Variants in HTR3A observed in about 807,000 individuals in gnomAD.
The protein encoded by HTR3A is 5-hydroxytryptamine (serotonin) receptor 3A, ionotropic.
HTR3A carries 45 observed loss-of-function variants against 54.8 expected under a neutral mutation model. The ratio of observed to expected loss-of-function variants is 0.82; its 90% CI spans 0.65 to 1.05. The LOEUF (loss-of-function observed/expected upper bound fraction) is 1.05, where lower values mean the gene tolerates loss of function less well. HTR3A is among the 50% of genes least tolerant of loss of function. The probability of loss-of-function intolerance (pLI) is 0.00; values close to 1 mark genes in which losing one functional copy is unlikely to be tolerated. For synonymous variants in HTR3A, 297 were observed against 256.0 expected (o/e 1.16, Z -1.53); for missense variants, 657 against 614.0 (o/e 1.07, Z -0.74).
chr11:113,981,067 C>T (rs942546963), intron 3 of HTR3A, 136 bp from the exon 4 acceptor site: 49 of 686,268 alleles, frequency 7.1e-5, no homozygotes, highest in South Asian at 2.5e-4. Flanking sequence ...GGGAATTGGG[C>T]GCCACTGACA....
chr11:113,988,625 A>G (rs753944612), intron 8 of HTR3A, among the ~76,000 whole-genome samples: 73 of 152,140 alleles, frequency 4.8e-4, no homozygotes, highest in Non-Finnish European at 9.1e-4. Flanking sequence ...TTAGCTGGGT[A>G]TGGTGACACA....
Position 113,986,869 on chromosome 11 carries a change from G to T in HTR3A, c.961G>T (p.Ala321Ser), listed in dbSNP as rs1431567853. Residue 321 changes from alanine to serine, a missense_variant, in exon 8 of 9, where the codon GCC becomes TCC. Transcript: ENST00000504030. ...VCMALLVISL[A>S]ETIFIVRLVH... ...CATGGCTCTGCTGGTGATAAGTTTGGCCGAGACCATCTTCATTGTGCGGCT... is the reference window on the plus strand; with the variant it reads ...CATGGCTCTGCTGGTGATAAGTTTGTCCGAGACCATCTTCATTGTGCGGCT... The T allele has an allele frequency of 1.2e-6, 2 of 1,613,986 alleles. No individual in the cohort carries two copies. The highest frequency in any genetic ancestry group is 1.3e-5 in the African/African-American group (1 of 74,898).
intron 4 of HTR3A, among the ~76,000 whole-genome samples, chr11:113,982,859 C>G (rs1950437545): frequency 6.6e-6 from 1 of 152,172 alleles, no homozygotes; most frequent in Admixed American, 6.5e-5. Context: ...ATGGGTTTTC[C>G]TCCCTGCCTT....
At position 113,989,657 on chromosome 11, in the gene HTR3A, G is replaced by T; in HGVS notation, c.1331G>T (p.Arg444Leu). 3.1e-6 allele frequency: 5 copies of T among 1,614,198 alleles called. No homozygotes were observed. The highest frequency in any genetic ancestry group is 4.2e-6 in the Non-Finnish European group (5 of 1,180,032). ...CGAGAGGTGGCCCGAGACTGGCTGCGCGTGGGCTCCGTGCTGGACAAGCTG... is the reference window on the plus strand; with the variant it reads ...CGAGAGGTGGCCCGAGACTGGCTGCTCGTGGGCTCCGTGCTGGACAAGCTG... ...EIREVARDWL[R>L]VGSVLDKLLF... The change falls in exon 9 of 9, where the codon CGC becomes CTC. Residue 444 changes from arginine to leucine, a missense_variant. Physicochemically the swap from Arg to Leu is moderately radical, Grantham distance 102. Coordinates refer to ENST00000504030, the MANE Select transcript of HTR3A (RefSeq NM_000869.6). The surrounding 1 kb of genome is among the most constrained non-coding windows in gnomAD (Gnocchi z 4.4).
intron 4 of HTR3A, 99 bp from the exon 5 acceptor site, chr11:113,983,021 C>T (rs1950439604): frequency 7.1e-7 from 1 of 1,403,572 alleles, no homozygotes; most frequent in Admixed American, 1.7e-5. Context: ...CTATACCCTC[C>T]CCGAACTTCA....
chr11:113,989,697 C>T lies in HTR3A; in HGVS notation c.1371C>T (p.Tyr457=). 1 of 1,614,068 alleles carries T rather than the reference C, an allele frequency of 6.2e-7. No homozygotes were observed. The highest frequency in any genetic ancestry group is 8.5e-7 in the Non-Finnish European group (1 of 1,180,022). Residue 457 remains tyrosine (Y), a synonymous_variant, in exon 9 of 9, where the codon TAC becomes TAT. Transcript: ENST00000504030. This position sits in a 1 kb window ranked among gnomAD's most constrained non-coding sequence, Gnocchi z 4.4. ...TGGACAAGCTGCTATTCCACATTTACCTGCTAGCGGTGCTGGCCTACAGCA... is the reference window on the plus strand; with the variant it reads ...TGGACAAGCTGCTATTCCACATTTATCTGCTAGCGGTGCTGGCCTACAGCA... The part of the protein sequence containing the change: ...SVLDKLLFHI[Y]LLAVLAYSIT...
chr11:113,987,108 A>G (rs1025680078), intron 8 of HTR3A, 62 bp downstream of exon 8: 52 of 1,559,818 alleles, frequency 3.3e-5, no homozygotes, highest in African/African-American at 8.1e-5. Context: ...TGTTGTGGAA[A>G]GTCTCTGGAG....
Position 113,989,332 on chromosome 11 carries a change from C to T in HTR3A, c.1139-133C>T, listed in dbSNP as rs965982367. 1 of 986,268 alleles carries T rather than the reference C, an allele frequency of 1.0e-6. No individual in the cohort carries two copies. The highest frequency in any genetic ancestry group is 1.6e-5 in the African/African-American group (1 of 62,804). The allele number at this position is 986,268 out of a possible 1,614,324, so 61.1% of individuals were successfully genotyped here. The stretch of plus-strand genomic sequence containing the variant: ...GAGCTTAGATCACACCACTGCCCTC[C>T]AGCCTGGGTGACAGAGTGAGAAAAA... On this transcript the variant is annotated intron_variant, in intron 8 of 8. Transcript: ENST00000504030. This position sits in a 1 kb window ranked among gnomAD's most constrained non-coding sequence, Gnocchi z 4.4.
intron 8 of HTR3A, among the ~76,000 whole-genome samples, chr11:113,987,854 T>C (rs1950510711): frequency 6.6e-6 from 1 of 152,252 alleles, no homozygotes; most frequent in Non-Finnish European, 1.5e-5. Flanking sequence ...TTGTTATAGC[T>C]ACCATTTGTT....
chr11:113,978,381 A>T (rs1348506588), intron 2 of HTR3A, among the ~76,000 whole-genome samples: 1 of 152,098 alleles, frequency 6.6e-6, no homozygotes, highest in Non-Finnish European at 1.5e-5. Context: ...TACTCAGAAG[A>T]GGTGGTCAGA....
At chr11:113,977,430 A>C (rs943359404) in intron 1 of HTR3A, 2 of 901,172 alleles carry the variant, frequency 2.2e-6, no homozygotes, top group Admixed American at 4.9e-5. Context: ...GTTGCTCCCC[A>C]GAGGCCCTCG....
At chr11:113,984,303 G>A (rs767010810) in intron 5 of HTR3A, among the ~76,000 whole-genome samples, 1 of 152,092 alleles carries the variant, frequency 6.6e-6, no homozygotes, top group Non-Finnish European at 1.5e-5. Context: ...TATTCAATGT[G>A]TCCTTCTCTC....
At chr11:113,977,501 G>GCTGT in intron 1 of HTR3A, 8 of 1,549,938 alleles carry the variant, frequency 5.2e-6, no homozygotes, top group Non-Finnish European at 5.2e-6. Flanking sequence ...TTGAATCTCA[G>GCTGT]CTGTCTTGTG....
At position 113,989,368 on chromosome 11, in the gene HTR3A, C is replaced by T. The variant is rs923621596; in HGVS notation, c.1139-97C>T. The T allele has an allele frequency of 3.5e-6, 5 of 1,427,748 alleles. No individual in the cohort carries two copies. In the African/African-American group the frequency reaches 4.2e-5, roughly 12 times the overall value. The allele number at this position is 1,427,748 out of a possible 1,614,324, so 88.4% of individuals were successfully genotyped here. A position where few individuals can be genotyped will look rare whatever the true frequency, so the allele number is the denominator to read the frequency against. On this transcript the variant is annotated intron_variant, in intron 8 of 8. Coordinates refer to ENST00000504030, the MANE Select transcript of HTR3A (RefSeq NM_000869.6). The surrounding 1 kb of genome is among the most constrained non-coding windows in gnomAD (Gnocchi z 4.4). The stretch of plus-strand genomic sequence containing the variant: ...ACAGAGTGAGAAAAAAAAAGTTATT[C>T]CCAACAAAAATTTACAGGCTATAGA...
rs114014601 is a variant in HTR3A at position 113,981,299 on chromosome 11, C to T, written c.361C>T (p.Leu121Phe). The T allele has an allele frequency of 3.5e-5, 56 of 1,609,038 alleles. No individual in the cohort carries two copies. The African/African-American group carries it at 4.7e-4, about 13-fold the overall frequency. ...PTDSIWVPDI[L>F]INEFVDVGKS... is the part of the protein sequence containing the mutation. ...GGACAGCATCTGGGTCCCGGACATT[C>T]TCATCAATGAGTTGTGAGTACCGTT... Residue 121 changes from leucine to phenylalanine, a missense_variant, in exon 4 of 9, where the codon CTC (leucine) becomes TTC (phenylalanine). Coordinates refer to ENST00000504030, the MANE Select transcript of HTR3A (RefSeq NM_000869.6).
intron 1 of HTR3A, chr11:113,977,490 T>C: frequency 6.5e-7 from 1 of 1,548,372 alleles, no homozygotes; most frequent in Non-Finnish European, 8.7e-7. Context: ...CTCAACCTGA[T>C]TTGAATCTCA....
At position 113,980,183 on chromosome 11, in the gene HTR3A, T is replaced by G. The variant is rs548114739; in HGVS notation, c.264+906T>G. 1.5e-3 allele frequency among the ~76,000 whole-genome samples: 233 copies of G among 152,354 alleles called. 1 individual carries two copies. Among genetic ancestry groups the G allele is most frequent in the Non-Finnish European group, 2.8e-3 (192 of 68,022 alleles). ...GAGCTCCTTTCCCAGGACATCCGTC[T>G]GAGCTCTCACCTCTGGAGCTCTAGG... is the stretch of plus-strand genomic sequence containing the variant. On this transcript the variant is annotated intron_variant, in intron 3 of 8. Transcript: ENST00000504030.
chr11:113,986,213 G>A lies in HTR3A; in HGVS notation c.705+38G>A. The A allele has an allele frequency of 2.5e-6, 4 of 1,612,484 alleles. 1 individual carries two copies. Among genetic ancestry groups the A allele is most frequent in the Non-Finnish European group, 1.7e-6 (2 of 1,178,568 alleles). The stretch of plus-strand genomic sequence containing the variant: ...GAATGTGGGTAAAATGGTGAATAAA[G>A]CTTCACATCCAGGTAGACTTAAGGA... On this transcript the variant is annotated intron_variant, in intron 6 of 8. Transcript: ENST00000504030.
rs771858016 is a variant in HTR3A, at chr11:113,989,294, C to T, written c.1139-171C>T. Among the ~76,000 whole-genome samples, 5 of 151,956 alleles carry T rather than the reference C, an allele frequency of 3.3e-5. No individual in the cohort carries two copies. The highest frequency in any genetic ancestry group is 7.3e-5 in the African/African-American group (3 of 41,368). On this transcript the variant is annotated intron_variant, in intron 8 of 8. Transcript: ENST00000504030. The surrounding 1 kb of genome is among the most constrained non-coding windows in gnomAD (Gnocchi z 4.4). ...AGGAGAATTGCTTGAACTCGGGAGGCGGAGGTTGCAGTGAGCTTAGATCAC... is the reference window on the plus strand; with the variant it reads ...AGGAGAATTGCTTGAACTCGGGAGGTGGAGGTTGCAGTGAGCTTAGATCAC...
Sources: gnomAD v4.1 joint callset for allele counts (sites outside exome capture counted in the v4.1 genomes callset) on GRCh38, gnomAD v4.1.1 for gene constraint, Gnocchi (gnomAD v3.1) non-coding constraint, MANE v1.5 for transcripts, NCBI Gene and HGNC (gene_info 2026-07-23, HGNC 2026-07-21) for gene names.